LRRC37A2: variants seen among roughly 807,000 people sequenced by gnomAD.
LRRC37A2 encodes the protein leucine-rich repeat-containing protein 37A2.
LRRC37A2 carries 9 observed loss-of-function variants against 68.8 expected under a neutral mutation model. The observed-to-expected ratio is 0.13, with a 90% CI of 0.08 to 0.23. The LOEUF is 0.23. Among genes scored for constraint, LRRC37A2 ranks in the 10% least tolerant of loss-of-function variants. The pLI, the probability that LRRC37A2 is intolerant of heterozygous loss-of-function variation, is 1.00. For missense variants in LRRC37A2, 168 were observed against 950.4 expected (o/e 0.18, Z 10.82); for synonymous variants, 63 against 367.6 (o/e 0.17, Z 9.48).
chr17:46,816,710 G>A, the LRRC37A2 span, among the ~76,000 whole-genome samples: 1 of 152,164 alleles, frequency 6.6e-6, no homozygotes, highest in Non-Finnish European at 1.5e-5. Flanking sequence ...AACTGGAAGA[G>A]TGCCCTCTTC....
the LRRC37A2 span, among the ~76,000 whole-genome samples, chr17:46,959,276 T>C: frequency 2.6e-4 from 40 of 152,308 alleles, no homozygotes; most frequent in East Asian, 7.7e-3. Flanking sequence ...ACAAACATTT[T>C]TAATCACACA....
At chr17:47,040,350 C>G in the LRRC37A2 span, among the ~76,000 whole-genome samples, 1 of 151,406 alleles carries the variant, frequency 6.6e-6, no homozygotes, top group South Asian at 2.1e-4. Flanking sequence ...GCTTATTTCT[C>G]CCCCCACCAA....
the LRRC37A2 span, among the ~76,000 whole-genome samples, chr17:46,970,535 CAAAAAAAA>C: frequency 3.9e-5 from 2 of 51,168 alleles, no homozygotes; most frequent in East Asian, 6.9e-4. Flanking sequence ...GACTCCATCT[CAAAAAAAA>C]AAAAAAAAAA....
chr17:46,994,525 G>A, the LRRC37A2 span, among the ~76,000 whole-genome samples: 285 of 152,162 alleles, frequency 1.9e-3, 1 homozygote, highest in African/African-American at 6.6e-3. Context: ...AGCTACTTGG[G>A]TGTGTTTATT....
At chr17:46,840,327 C>G in the LRRC37A2 span, among the ~76,000 whole-genome samples, 13 of 152,156 alleles carry the variant, frequency 8.5e-5, no homozygotes, top group African/African-American at 2.9e-4. Flanking sequence ...ACCTCATGAT[C>G]CACCCGCCTC....
the LRRC37A2 span, among the ~76,000 whole-genome samples, chr17:46,865,586 G>T: frequency 6.6e-6 from 1 of 152,130 alleles, no homozygotes; most frequent in Non-Finnish European, 1.5e-5. Flanking sequence ...AGGTCTGTGG[G>T]TGGACTGGGC....
At chr17:46,688,222 A>G in the LRRC37A2 span, among the ~76,000 whole-genome samples, 3 of 150,684 alleles carry the variant, frequency 2.0e-5, no homozygotes, top group South Asian at 6.2e-4. Context: ...ATAAAACTTT[A>G]TTGGGAAGCT....
chr17:46,851,221 G>A, the LRRC37A2 span, among the ~76,000 whole-genome samples: 1 of 152,088 alleles, frequency 6.6e-6, no homozygotes, highest in Admixed American at 6.5e-5. The surrounding 1 kb of genome is among the most constrained non-coding windows in gnomAD (Gnocchi z 4.3). Flanking sequence ...TCTCTACCTC[G>A]GAGAAGCCAT....
At chr17:47,012,368 A>C in the LRRC37A2 span, among the ~76,000 whole-genome samples, 1 of 152,196 alleles carries the variant, frequency 6.6e-6, no homozygotes, top group Non-Finnish European at 1.5e-5. Context: ...ATGCAACAAA[A>C]GGAAAAATAG....
the LRRC37A2 span, among the ~76,000 whole-genome samples, chr17:46,748,033 A>G: frequency 6.6e-6 from 1 of 152,234 alleles, no homozygotes; most frequent in Non-Finnish European, 1.5e-5. Flanking sequence ...AAGATCAAAG[A>G]TCAGATAGCA....
At chr17:46,983,939 CT>C in the LRRC37A2 span, 1 of 152,300 alleles carries the variant, frequency 6.6e-6, no homozygotes, top group Non-Finnish European at 1.5e-5. Flanking sequence ...TCCTCATTGG[CT>C]GTCGGCAGGG....
the LRRC37A2 span, among the ~76,000 whole-genome samples, chr17:46,981,711 T>G: frequency 4.6e-5 from 7 of 152,230 alleles, no homozygotes; most frequent in South Asian, 1.5e-3. Flanking sequence ...ATTTTATTTA[T>G]TTATTTTTAT....
At chr17:46,904,673 C>T in the LRRC37A2 span, among the ~76,000 whole-genome samples, 1 of 152,124 alleles carries the variant, frequency 6.6e-6, no homozygotes, top group African/African-American at 2.4e-5. Context: ...CTTATCACAG[C>T]ATCTGCTCTT....
chr17:46,979,199 G>T, the LRRC37A2 span: 2 of 477,764 alleles, frequency 4.2e-6, no homozygotes, highest in South Asian at 6.8e-5. Flanking sequence ...GGAAGCGACC[G>T]CCCGGAGGAG....
the LRRC37A2 span, among the ~76,000 whole-genome samples, chr17:46,642,093 G>GA: frequency 3.1e-5 from 3 of 97,256 alleles, 1 homozygote; most frequent in African/African-American, 1.3e-4. Flanking sequence ...TAGAGTGTAA[G>GA]AAAAAAATAT....
the LRRC37A2 span, chr17:46,929,665 C>T: frequency 1.3e-6 from 1 of 780,738 alleles, no homozygotes; most frequent in Non-Finnish European, 2.3e-6. Context: ...CTGCACTCTG[C>T]CTTGGGGGCT....
the LRRC37A2 span, among the ~76,000 whole-genome samples, chr17:47,002,416 G>A: frequency 6.7e-6 from 1 of 150,014 alleles, no homozygotes; most frequent in Non-Finnish European, 1.5e-5. Context: ...TTGAGACAGC[G>A]TTTCACTCTT....
At chr17:46,940,546 G>T in the LRRC37A2 span, 5 of 1,614,018 alleles carry the variant, frequency 3.1e-6, no homozygotes, top group Non-Finnish European at 3.4e-6. Flanking sequence ...AGGCTGTCCT[G>T]TCCCCCAGGC....
At chr17:46,851,792 T>C in the LRRC37A2 span, 1 of 759,694 alleles carries the variant, frequency 1.3e-6, no homozygotes, top group Non-Finnish European at 1.8e-6. This position sits in a 1 kb window ranked among gnomAD's most constrained non-coding sequence, Gnocchi z 4.3. Flanking sequence ...GGGCCAATTT[T>C]TCCCTCCCGC....
Sources: allele counts gnomAD v4.1 joint callset (sites outside exome capture counted in the v4.1 genomes callset), GRCh38; gene constraint gnomAD v4.1.1; non-coding constraint Gnocchi (gnomAD v3.1); transcripts MANE v1.5; gene names NCBI Gene and HGNC (gene_info 2026-07-23, HGNC 2026-07-21).